Variants in CHRDL1 observed in about 807,000 individuals in gnomAD.
CHRDL1 encodes chordin-like protein 1.
In CHRDL1, 19 loss-of-function variants were observed where a neutral mutation model predicts 40.9. That is an observed-to-expected ratio of 0.46 (90% CI 0.32 to 0.68). CHRDL1 has a LOEUF of 0.68. Ranked by LOEUF, CHRDL1 falls within the 30% of genes least tolerant of loss-of-function variation. The pLI, the probability that CHRDL1 is intolerant of heterozygous loss-of-function variation, is 0.03. For synonymous variants in CHRDL1, 136 were observed against 123.4 expected (o/e 1.10, Z -0.68); for missense variants, 329 against 352.1 (o/e 0.93, Z 0.53).
At chrX:110,739,147 C>T (rs759799392) in intron 4 of CHRDL1, among the ~76,000 whole-genome samples, 68 of 111,988 alleles carry the variant, frequency 6.1e-4, no homozygotes, top group Admixed American at 2.4e-3. Flanking sequence ...CAACCAAGGC[C>T]GACAGTGCTC....
At chrX:110,686,208 T>A (rs1303126895) in intron 9 of CHRDL1, among the ~76,000 whole-genome samples, 1 of 111,670 alleles carries the variant, frequency 9.0e-6, no homozygotes, top group African/African-American at 3.3e-5. Context: ...CCAAATGTTT[T>A]AATAAACATT....
At chrX:110,713,878 C>T (rs1218691175) in intron 6 of CHRDL1, among the ~76,000 whole-genome samples, 1 of 111,100 alleles carries the variant, frequency 9.0e-6, no homozygotes, top group African/African-American at 3.3e-5. Context: ...ACCCCAAATA[C>T]CTTTCCCTTG....
In CHRDL1 at chrX:110,759,733, G is replaced by T. The variant is rs775515705; in HGVS notation, c.229C>A (p.Arg77=). The stretch of plus-strand genomic sequence containing the variant: ...CAATGAACATTTGGACATCTGACTC[G>T]GCTGCAAAGCACATTCCCATTCTGA... ...CSENGNVLCS[R]VRCPNVHCLS... Residue 77 remains arginine (R), a synonymous_variant, in exon 4 of 12, where the codon CGA becomes AGA. Coordinates refer to ENST00000372042, the MANE Select transcript of CHRDL1 (RefSeq NM_001143981.2). 6 of 1,198,911 alleles carry T rather than the reference G, an allele frequency of 5.0e-6. No individual in the cohort carries two copies. In the Admixed American group the frequency reaches 1.3e-4, roughly 26 times the overall value.
chrX:110,770,074 G>T (rs764776923), intron 2 of CHRDL1, among the ~76,000 whole-genome samples: 4 of 111,969 alleles, frequency 3.6e-5, no homozygotes, highest in African/African-American at 6.5e-5. Context: ...ATAATAAACT[G>T]GGAGACAGAA....
At chrX:110,789,191 G>C (rs748730048) in intron 2 of CHRDL1, among the ~76,000 whole-genome samples, 2 of 111,605 alleles carry the variant, frequency 1.8e-5, no homozygotes, top group Non-Finnish European at 3.8e-5. Flanking sequence ...AATTGAACTA[G>C]TACATAATCG....
At chrX:110,770,769 C>T (rs939015927) in intron 2 of CHRDL1, among the ~76,000 whole-genome samples, 3 of 111,930 alleles carry the variant, frequency 2.7e-5, no homozygotes, top group African/African-American at 9.7e-5. Context: ...AGTTTAACAA[C>T]ATAGAATGAT....
intron 8 of CHRDL1, among the ~76,000 whole-genome samples, chrX:110,691,062 A>G (rs1041673245): frequency 3.7e-5 from 4 of 109,134 alleles, no homozygotes; most frequent in Non-Finnish European, 7.6e-5. Context: ...TAATAATACG[A>G]AAGTCGCCAG....
At chrX:110,774,180 T>C (rs1174565199) in intron 2 of CHRDL1, among the ~76,000 whole-genome samples, 2 of 112,112 alleles carry the variant, frequency 1.8e-5, no homozygotes, top group African/African-American at 6.5e-5. Context: ...CTGAAATTAA[T>C]ATAACAACTC....
At chrX:110,747,178 C>T (rs377566501) in intron 4 of CHRDL1, among the ~76,000 whole-genome samples, 1 of 110,758 alleles carries the variant, frequency 9.0e-6, no homozygotes, top group East Asian at 2.8e-4. Flanking sequence ...GCCAAACATG[C>T]CCTCTGGCCC....
At chrX:110,761,707 T>C (rs749287249) in intron 3 of CHRDL1, among the ~76,000 whole-genome samples, 6 of 112,141 alleles carry the variant, frequency 5.4e-5, no homozygotes, top group African/African-American at 1.6e-4. Flanking sequence ...CAAATATCTA[T>C]AGTGCAAACA....
intron 4 of CHRDL1, among the ~76,000 whole-genome samples, 185 bp from the exon 5 acceptor site, chrX:110,721,715 ATCCATCCATCCATCCATCCATCCG>A (rs2070957852): frequency 9.0e-6 from 1 of 110,618 alleles, no homozygotes; most frequent in Non-Finnish European, 1.9e-5. Context: ...ATTATGATCT[ATCCATCCATCCATCCATCCATCCG>A]TCCATCCATC....
At chrX:110,783,596 T>G (rs1298717564) in intron 2 of CHRDL1, among the ~76,000 whole-genome samples, 1 of 112,154 alleles carries the variant, frequency 8.9e-6, no homozygotes, top group African/African-American at 3.2e-5. Context: ...ATCAGATGCA[T>G]GACTTACTGC....
At chrX:110,779,117 G>C (rs775280902) in intron 2 of CHRDL1, among the ~76,000 whole-genome samples, 2 of 111,216 alleles carry the variant, frequency 1.8e-5, no homozygotes, top group East Asian at 5.6e-4. Flanking sequence ...GGTGGGAGGA[G>C]AGAGAGGATC....
At chrX:110,741,860 A>G (rs2071366865) in intron 4 of CHRDL1, among the ~76,000 whole-genome samples, 1 of 111,298 alleles carries the variant, frequency 9.0e-6, no homozygotes, top group Non-Finnish European at 1.9e-5. Flanking sequence ...CAGGCTATTT[A>G]CCCCCTTGCC....
chrX:110,748,722 A>G (rs1279495804), intron 4 of CHRDL1, among the ~76,000 whole-genome samples: 1 of 112,568 alleles, frequency 8.9e-6, no homozygotes, highest in Non-Finnish European at 1.9e-5. Flanking sequence ...TGCTAAGCAA[A>G]AAAAGCCCAT....
intron 4 of CHRDL1, among the ~76,000 whole-genome samples, chrX:110,750,644 G>A (rs1459912513): frequency 1.8e-5 from 2 of 111,797 alleles, no homozygotes; most frequent in South Asian, 3.8e-4. Context: ...GGCTAATTCC[G>A]AGAAATGCCA....
chrX:110,728,228 T>G (rs1441957516), intron 4 of CHRDL1, among the ~76,000 whole-genome samples: 1 of 104,981 alleles, frequency 9.5e-6, no homozygotes, highest in Non-Finnish European at 1.9e-5. Flanking sequence ...AAGATAAGAA[T>G]TGGGTGAGTG....
At chrX:110,691,068 G>A (rs937624691) in intron 8 of CHRDL1, among the ~76,000 whole-genome samples, 4 of 109,241 alleles carry the variant, frequency 3.7e-5, no homozygotes, top group Non-Finnish European at 7.6e-5. Context: ...TACGAAAGTC[G>A]CCAGGTGTGG....
chrX:110,729,494 G>A (rs2071120050), intron 4 of CHRDL1, among the ~76,000 whole-genome samples: 1 of 111,338 alleles, frequency 9.0e-6, no homozygotes, highest in African/African-American at 3.3e-5. Context: ...GGTCATGCTG[G>A]CAGGCCTTAA....
Sources: allele counts gnomAD v4.1 joint callset (sites outside exome capture counted in the v4.1 genomes callset), GRCh38; gene constraint gnomAD v4.1.1; transcripts MANE v1.5; gene names NCBI Gene and HGNC (gene_info 2026-07-23, HGNC 2026-07-21).